Variants in CAMK4 observed in about 807,000 individuals in gnomAD.
CAMK4 encodes the protein calcium/calmodulin-dependent protein kinase type IV.
Under a neutral mutation model 44.9 loss-of-function variants are expected in CAMK4, and 22 were observed. The ratio of observed to expected loss-of-function variants is 0.49; its 90% confidence interval spans 0.35 to 0.70. The LOEUF (loss-of-function observed/expected upper bound fraction) is 0.70, where lower values mean the gene tolerates loss of function less well. Among genes scored for constraint, CAMK4 ranks in the 30% least tolerant of loss-of-function variants. The pLI, the probability that CAMK4 is intolerant of heterozygous loss-of-function variation, is 0.01. For missense variants in CAMK4, 498 were observed against 586.8 expected, an observed-to-expected ratio of 0.85 and a Z score of 1.56; for synonymous variants, 218 against 215.4, an observed-to-expected ratio of 1.01 and a Z score of -0.11.
At chr5:111,464,018 A>AAT (rs1450383095) in intron 7 of CAMK4, among the ~76,000 whole-genome samples, 1 of 152,160 alleles carries the variant, frequency 6.6e-6, no homozygotes, top group African/African-American at 2.4e-5. Flanking sequence ...CAGAAAAAAA[A>AAT]TTCAGCAGGT....
At chr5:111,328,500 T>C (rs1749004208) in intron 1 of CAMK4, among the ~76,000 whole-genome samples, 1 of 152,096 alleles carries the variant, frequency 6.6e-6, no homozygotes, top group Admixed American at 6.6e-5. Context: ...GCGGGCTCTT[T>C]TTTGGTTCCA....
intron 4 of CAMK4, among the ~76,000 whole-genome samples, chr5:111,386,401 A>G (rs1751603977): frequency 6.6e-6 from 1 of 152,130 alleles, no homozygotes; most frequent in Non-Finnish European, 1.5e-5. Context: ...CTAGTCATCT[A>G]CAGTTATTAT....
chr5:111,299,440 C>T (rs1327899106), intron 1 of CAMK4, among the ~76,000 whole-genome samples: 2 of 152,210 alleles, frequency 1.3e-5, no homozygotes, highest in Non-Finnish European at 2.9e-5. Flanking sequence ...CCCGCTTGGA[C>T]CTCAGCTTGG....
chr5:111,396,098 C>T (rs1470944569), intron 5 of CAMK4, among the ~76,000 whole-genome samples: 2 of 152,016 alleles, frequency 1.3e-5, no homozygotes, highest in African/African-American at 4.8e-5. Flanking sequence ...TGATATCTAA[C>T]TAGCCTCTGT....
At chr5:111,427,999 CTTG>C (rs1753292914) in intron 5 of CAMK4, among the ~76,000 whole-genome samples, 1 of 152,234 alleles carries the variant, frequency 6.6e-6, no homozygotes, top group Non-Finnish European at 1.5e-5. Context: ...CACAGGGGTG[CTTG>C]TGTCACTCCA....
In CAMK4 at chr5:111,357,391, G is replaced by C. The variant is rs1005675694; in HGVS notation, c.240+13289G>C. ...GAGCTGAGAGAGCCAGAAGGACACA[G>C]GCTATCAGCCTCAAAGCAGACTTAG... On this transcript the variant is annotated intron_variant, in intron 2 of 10. Coordinates refer to ENST00000282356, the MANE Select transcript of CAMK4 (RefSeq NM_001744.6). Among the ~76,000 whole-genome samples the C allele has an allele frequency of 5.3e-5, 8 of 152,126 alleles. No homozygotes were observed. The East Asian group carries it at 7.7e-4, about 15-fold the overall frequency.
chr5:111,457,201 A>G (rs929344967), intron 7 of CAMK4, among the ~76,000 whole-genome samples: 3 of 152,230 alleles, frequency 2.0e-5, no homozygotes, highest in Admixed American at 1.3e-4. Flanking sequence ...TTAATAGGTT[A>G]AAAGGATAAA....
At chr5:111,437,231 C>G (rs759949) in intron 5 of CAMK4, among the ~76,000 whole-genome samples, 50,863 of 151,964 alleles carry the variant, frequency 0.33, 9,456 homozygotes, top group Middle Eastern at 0.5. Context: ...TAGATTGCCA[C>G]GATGTAAGCA....
At chr5:111,324,048 A>G (rs1349636923) in intron 1 of CAMK4, among the ~76,000 whole-genome samples, 1 of 152,062 alleles carries the variant, frequency 6.6e-6, no homozygotes, top group African/African-American at 2.4e-5. Flanking sequence ...GATATATACT[A>G]TAATCCTGAG....
intron 7 of CAMK4, among the ~76,000 whole-genome samples, chr5:111,469,497 C>A (rs1466084605): frequency 6.6e-6 from 1 of 152,014 alleles, no homozygotes; most frequent in East Asian, 1.9e-4. Flanking sequence ...CAGAACTTGC[C>A]ATGTCAGGTA....
At chr5:111,378,582 T>C (rs1288981873) in intron 4 of CAMK4, among the ~76,000 whole-genome samples, 5 of 152,200 alleles carry the variant, frequency 3.3e-5, no homozygotes, top group Non-Finnish European at 5.9e-5. Context: ...TTCATATATA[T>C]GTTGACACTT....
chr5:111,320,942 T>A (rs1245698297), intron 1 of CAMK4, among the ~76,000 whole-genome samples: 1 of 152,222 alleles, frequency 6.6e-6, no homozygotes, highest in Non-Finnish European at 1.5e-5. Flanking sequence ...TTTATAGTGA[T>A]CATAGCATAA....
rs1755610104 is a variant in CAMK4, at chr5:111,486,153, A to G, written c.*1687A>G. On this transcript the variant is annotated 3_prime_UTR_variant, in exon 11 of 11. Transcript: ENST00000282356. ...GTAGACATTCTTCTTTTCAATCACA[A>G]ATCTCTCTCTACTACTGTTCTCATG... 2 of 152,018 alleles carry G rather than the reference A, an allele frequency of 1.3e-5. No individual in the cohort carries two copies. The highest frequency in any genetic ancestry group is 6.6e-5 in the Admixed American group (1 of 15,254). 9.4% of individuals were successfully genotyped at this position (152,018 alleles called of 1,614,324 possible).
At chr5:111,267,272 G>A (rs1750289380) in intron 1 of CAMK4, among the ~76,000 whole-genome samples, 1 of 152,124 alleles carries the variant, frequency 6.6e-6, no homozygotes, top group Non-Finnish European at 1.5e-5. Context: ...GGCCCTAGAG[G>A]TGCTTACTGT....
intron 4 of CAMK4, among the ~76,000 whole-genome samples, chr5:111,394,267 A>G (rs1212036901): frequency 6.6e-6 from 1 of 152,186 alleles, no homozygotes; most frequent in East Asian, 1.9e-4. Context: ...ACCTCCTCAA[A>G]TATTTATAAA....
At chr5:111,380,404 A>G (rs895938041) in intron 4 of CAMK4, among the ~76,000 whole-genome samples, 8 of 151,952 alleles carry the variant, frequency 5.3e-5, no homozygotes, top group Non-Finnish European at 1.0e-4. Context: ...TTTGTTACAT[A>G]GGTAAATGTG....
intron 9 of CAMK4, among the ~76,000 whole-genome samples, chr5:111,481,379 T>C (rs1313122651): frequency 6.6e-6 from 1 of 152,216 alleles, no homozygotes; most frequent in Non-Finnish European, 1.5e-5. Context: ...CTTCTTTCTC[T>C]TAACCATCCT....
At chr5:111,355,449 A>G (rs1179062623) in intron 2 of CAMK4, among the ~76,000 whole-genome samples, 1 of 151,416 alleles carries the variant, frequency 6.6e-6, no homozygotes, top group Non-Finnish European at 1.5e-5. Context: ...CTTTATTGAC[A>G]TAAACATTGG....
At chr5:111,464,875 TG>T in intron 7 of CAMK4, among the ~76,000 whole-genome samples, 1 of 152,340 alleles carries the variant, frequency 6.6e-6, no homozygotes, top group Non-Finnish European at 1.5e-5. Context: ...ATGTATCTAA[TG>T]GGTGATATAA....
Sources: allele counts gnomAD v4.1 joint callset (sites outside exome capture counted in the v4.1 genomes callset), GRCh38; gene constraint gnomAD v4.1.1; transcripts MANE v1.5; gene names NCBI Gene and HGNC (gene_info 2026-07-23, HGNC 2026-07-21).